USP54: variants seen among roughly 807,000 people sequenced by gnomAD.
USP54 encodes the protein ubiquitin specific peptidase 54.
Under a neutral mutation model 170.5 loss-of-function variants are expected in USP54, and 87 were observed. The ratio of observed to expected loss-of-function variants is 0.51; its 90% CI spans 0.43 to 0.61. The LOEUF (loss-of-function observed/expected upper bound fraction) is 0.61. Among genes scored for constraint, USP54 ranks in the 20% least tolerant of loss-of-function variants. The probability of loss-of-function intolerance (pLI) is 0.00; values close to 1 mark genes in which losing one functional copy is unlikely to be tolerated. For synonymous variants in USP54, 655 were observed against 742.8 expected, an observed-to-expected ratio of 0.88 and a Z score of 1.92; for missense variants, 1,786 against 2,047.8, an observed-to-expected ratio of 0.87 and a Z score of 2.47.
intron 1 of USP54, among the ~76,000 whole-genome samples, chr10:73,619,077 G>A (rs555066488): frequency 6.7e-6 from 1 of 150,210 alleles, no homozygotes; most frequent in East Asian, 1.9e-4. Context: ...GCTAAGTATG[G>A]TGGGGCGTGC....
rs1014247337 is a variant in USP54, at chr10:73,506,909, G to A, written c.4052-1483C>T. On this transcript the variant is annotated intron_variant, in intron 20 of 23. Transcript: ENST00000687698. The stretch of plus-strand genomic sequence containing the variant: ...TGAGAAGAAGAAGAAAAAAATACCA[G>A]TTCATAACAACATATATATGAGAAT... 3 of 152,058 alleles carry A rather than the reference G, an allele frequency of 2.0e-5. No homozygotes were observed. The East Asian group carries it at 5.8e-4, about 29-fold the overall frequency. The allele number at this position is 152,058 out of a possible 1,614,324, so 9.4% of individuals were successfully genotyped here.
chr10:73,533,133 C>T (rs1290118664), intron 12 of USP54, among the ~76,000 whole-genome samples: 4 of 151,998 alleles, frequency 2.6e-5, no homozygotes, highest in African/African-American at 4.8e-5. Context: ...GGTGAAACCC[C>T]GTCTCTACTA....
chr10:73,526,839 T>G, intron 15 of USP54, 59 bp from the exon 16 acceptor site: 2 of 1,565,162 alleles, frequency 1.3e-6, no homozygotes, highest in Non-Finnish European at 1.7e-6. Flanking sequence ...GCAACATTCC[T>G]AGGACTAAAT....
intron 22 of USP54, among the ~76,000 whole-genome samples, chr10:73,503,248 C>G (rs905633976): frequency 6.6e-6 from 1 of 152,168 alleles, no homozygotes; most frequent in African/African-American, 2.4e-5. Flanking sequence ...TCCAGGAAGC[C>G]TTCCATGATA....
At chr10:73,511,400 C>A (rs2060187116) in intron 20 of USP54, among the ~76,000 whole-genome samples, 1 of 151,820 alleles carries the variant, frequency 6.6e-6, no homozygotes, top group South Asian at 2.1e-4. Flanking sequence ...GTGGCTCACA[C>A]CTGTAATCCC....
In USP54 at chr10:73,498,027, C is replaced by G. The variant is rs544174146; in HGVS notation, c.*602G>C. 6.6e-6 allele frequency: 1 copy of G among 152,378 alleles called. No homozygotes were observed. Among genetic ancestry groups the G allele is most frequent in the African/African-American group, 2.4e-5 (1 of 41,564 alleles). The allele number at this position is 152,378 out of a possible 1,614,324, so 9.4% of individuals were successfully genotyped here. On this transcript the variant is annotated 3_prime_UTR_variant, in exon 24 of 24. Transcript: ENST00000687698. ...GTGACCTTAAAATCCTAAGGAATGG[C>G]TAGTATCCAGAGTAATACCATGGAT...
At chr10:73,518,210 C>CG in intron 19 of USP54, 3 of 985,348 alleles carry the variant, frequency 3.0e-6, no homozygotes, top group Non-Finnish European at 3.6e-6. Context: ...AGAGGCAGCC[C>CG]GGCCAAAGGA....
chr10:73,571,937 A>G (rs1237285452), intron 3 of USP54, among the ~76,000 whole-genome samples: 3 of 152,202 alleles, frequency 2.0e-5, no homozygotes, highest in Non-Finnish European at 1.5e-5. Flanking sequence ...AGGACTCTCA[A>G]TTTTCAGACA....
chr10:73,511,551 T>C (rs547363558), intron 20 of USP54, among the ~76,000 whole-genome samples: 14 of 150,816 alleles, frequency 9.3e-5, no homozygotes, highest in Admixed American at 7.3e-4. Context: ...TCCCAGCTAC[T>C]TGGGAGGCTG....
At position 73,552,899 on chromosome 10, in the gene USP54, T is replaced by C. The variant is rs1466189304; in HGVS notation, c.241-7227A>G. 2.6e-5 allele frequency among the ~76,000 whole-genome samples: 4 copies of C among 152,328 alleles called. No individual in the cohort carries two copies. In the East Asian group the frequency reaches 7.7e-4, roughly 29 times the overall value. ...TTACTATTATTGTATTTGGGAGTCA[T>C]TTCACGTTGCTAAAGAGCCTGTCTG... is the stretch of plus-strand genomic sequence containing the variant. On this transcript the variant is annotated intron_variant, in intron 4 of 23. Transcript: ENST00000687698.
intron 1 of USP54, among the ~76,000 whole-genome samples, chr10:73,604,305 G>A (rs953182271): frequency 6.6e-6 from 1 of 152,124 alleles, no homozygotes; most frequent in Non-Finnish European, 1.5e-5. Context: ...CAAGAACGTG[G>A]AGAAATTGGT....
At chr10:73,620,977 G>A (rs1339583417) in intron 1 of USP54, among the ~76,000 whole-genome samples, 10 of 149,594 alleles carry the variant, frequency 6.7e-5, no homozygotes, top group Admixed American at 2.6e-4. Flanking sequence ...CCAACATGGC[G>A]AAACCCCGTC....
rs768074628 is a variant in USP54 at position 73,545,490 on chromosome 10, A to G, written c.375+48T>C. 8.1e-6 allele frequency: 13 copies of G among 1,604,516 alleles called. 1 individual carries two copies. The African/African-American group carries it at 1.5e-4, about 18-fold the overall frequency. On this transcript the variant is annotated intron_variant, in intron 5 of 23. Coordinates refer to ENST00000687698, the MANE Select transcript of USP54 (RefSeq NM_001391956.1). ...AAGTAGCCAGTCCCTGATGGAGACC[A>G]TCAGCAGTCCCACCCCATATCAAAG... is the stretch of plus-strand genomic sequence containing the variant.
rs2058847038 is a variant in USP54, at chr10:73,504,986, G to A, written c.4175C>T (p.Thr1392Ile). 2.5e-6 allele frequency: 4 copies of A among 1,614,138 alleles called. No individual in the cohort carries two copies. The highest frequency in any genetic ancestry group is 2.5e-6 in the Non-Finnish European group (3 of 1,180,018). Reference sequence around the variant, plus strand: ...CTCCCTGCTGAGGCCTCGGCAAGGTGTAGCCTTCAAACACACAGACACATA... The same window carrying A: ...CTCCCTGCTGAGGCCTCGGCAAGGTATAGCCTTCAAACACACAGACACATA... ...EARTVRTSQA[T>I]PCRGLSRECG... The change falls in exon 22 of 24, where the codon ACA (threonine) becomes ATA (isoleucine). Residue 1392 changes from threonine to isoleucine, a missense_variant. Thr to Ile is a moderately conservative substitution (Grantham distance 89, BLOSUM62 -1). Coordinates refer to ENST00000687698, the MANE Select transcript of USP54 (RefSeq NM_001391956.1).
chr10:73,586,858 G>A (rs2077545179), intron 1 of USP54, among the ~76,000 whole-genome samples: 1 of 152,150 alleles, frequency 6.6e-6, no homozygotes, highest in African/African-American at 2.4e-5. Flanking sequence ...ATTTCCTGAG[G>A]GCTGGACTTT....
intron 12 of USP54, among the ~76,000 whole-genome samples, chr10:73,532,298 G>A (rs1280787427): frequency 6.6e-6 from 1 of 152,030 alleles, no homozygotes; most frequent in Admixed American, 6.6e-5. Flanking sequence ...TCAGCCTCCT[G>A]AGTAGCTGGG....
intron 4 of USP54, among the ~76,000 whole-genome samples, chr10:73,563,192 G>A (rs906640460): frequency 1.3e-5 from 2 of 152,050 alleles, no homozygotes; most frequent in Non-Finnish European, 2.9e-5. Context: ...TGAGCTCAGC[G>A]ATCCTCCTGC....
rs763918051 is a variant in USP54 at position 73,530,370 on chromosome 10, C to T, written c.1601G>A (p.Gly534Asp). 6.2e-7 allele frequency: 1 copy of T among 1,614,116 alleles called. No homozygotes were observed. Among genetic ancestry groups the T allele is most frequent in the East Asian group, 2.2e-5 (1 of 44,870 alleles). The change falls in exon 14 of 24, where the codon GGC (glycine) becomes GAC (aspartate). Residue 534 changes from glycine (G) to aspartate (D), a missense_variant. Transcript: ENST00000687698. The stretch of plus-strand genomic sequence containing the variant: ...TTTGTCAGGCTGGTCTCCTCCTCTG[C>T]CCCTGCAGTGAGAGCCTACATTGGT... The part of the protein sequence containing the change: ...SQTNVGSHCR[G>D]RGGDQPDKKP...
chr10:73,506,079 T>G (rs1345619477), intron 20 of USP54: 1 of 152,226 alleles, frequency 6.6e-6, no homozygotes, highest in Non-Finnish European at 1.5e-5. Context: ...TTATCTCCAG[T>G]CTAGTTCAGA....
Sources: allele counts gnomAD v4.1 joint callset (sites outside exome capture counted in the v4.1 genomes callset), GRCh38; gene constraint gnomAD v4.1.1; transcripts MANE v1.5; gene names NCBI Gene and HGNC (gene_info 2026-07-23, HGNC 2026-07-21).